The following PCDH7 variants were observed in gnomAD, a reference collection of about 807,000 sequenced individuals.
The protein encoded by PCDH7 is protocadherin-7.
In PCDH7, 17 loss-of-function variants were observed where a neutral mutation model predicts 58.9. The observed-to-expected ratio is 0.29, with a 90% CI of 0.20 to 0.43. The LOEUF is 0.43. Among genes scored for constraint, PCDH7 ranks in the 20% least tolerant of loss-of-function variants. PCDH7 has a pLI of 1.00. For synonymous variants in PCDH7, 664 were observed against 616.4 expected, an observed-to-expected ratio of 1.08 and a Z score of -1.14; for missense variants, 1,274 against 1,441.0, an observed-to-expected ratio of 0.88 and a Z score of 1.88.
At chr4:31,105,006 A>C (rs1253164770) in intron 3 of PCDH7, among the ~76,000 whole-genome samples, 1 of 152,236 alleles carries the variant, frequency 6.6e-6, no homozygotes, top group Non-Finnish European at 1.5e-5. Flanking sequence ...GATATTTCAA[A>C]GACTTCATTT....
At chr4:31,094,850 G>T (rs544461401) in intron 3 of PCDH7, among the ~76,000 whole-genome samples, 115 of 150,578 alleles carry the variant, frequency 7.6e-4, no homozygotes, top group African/African-American at 2.7e-3. Flanking sequence ...CCAACAACAT[G>T]ATGCCTTAGG....
At chr4:30,951,865 G>T (rs1483306332) in intron 3 of PCDH7, among the ~76,000 whole-genome samples, 2 of 152,102 alleles carry the variant, frequency 1.3e-5, no homozygotes, top group Non-Finnish European at 2.9e-5. Context: ...TCTCGTTCAT[G>T]CTCACCTCTT....
chr4:30,725,079 T>G, intron 1 of PCDH7: 2 of 1,001,766 alleles, frequency 2.0e-6, no homozygotes, highest in Non-Finnish European at 2.4e-6. Flanking sequence ...ATTTTACAGA[T>G]AAATAGATGC....
At chr4:30,936,670 A>G (rs964900969) in intron 2 of PCDH7, among the ~76,000 whole-genome samples, 5 of 151,854 alleles carry the variant, frequency 3.3e-5, no homozygotes, top group African/African-American at 1.2e-4. Flanking sequence ...TATTTATGTT[A>G]TCATCAAGAA....
chr4:31,014,913 A>C (rs903513866), intron 3 of PCDH7, among the ~76,000 whole-genome samples: 1 of 152,114 alleles, frequency 6.6e-6, no homozygotes, highest in African/African-American at 2.4e-5. Flanking sequence ...TTTGTTTCTT[A>C]TATGTGTCTC....
intron 2 of PCDH7, among the ~76,000 whole-genome samples, chr4:30,936,544 CTCA>C (rs1378015316): frequency 6.6e-6 from 1 of 152,000 alleles, no homozygotes; most frequent in East Asian, 1.9e-4. Flanking sequence ...CTTTTATTGT[CTCA>C]TTGTTTAAGG....
chr4:30,905,344 A>T (rs1397903710), intron 1 of PCDH7, among the ~76,000 whole-genome samples: 1 of 152,048 alleles, frequency 6.6e-6, no homozygotes, highest in Non-Finnish European at 1.5e-5. Context: ...GTAATTTACC[A>T]TGTAGGTTTA....
At chr4:31,056,857 G>A (rs531837075) in intron 3 of PCDH7, among the ~76,000 whole-genome samples, 457 of 152,282 alleles carry the variant, frequency 3.0e-3, no homozygotes, top group Non-Finnish European at 5.3e-3. Context: ...TGGGATTACA[G>A]GCATGAGCCA....
At position 30,722,258 on chromosome 4, in the gene PCDH7, G is replaced by T; in HGVS notation, c.836G>T (p.Arg279Leu). 2 of 1,596,768 alleles carry T rather than the reference G, an allele frequency of 1.3e-6. No homozygotes were observed. The highest frequency in any genetic ancestry group is 1.7e-6 in the Non-Finnish European group (2 of 1,172,846). The stretch of plus-strand genomic sequence containing the variant: ...CGCGACTCCTACGAGCTGACCCTGC[G>T]AGTGCGCGACGGCGGCGACCCGCCT... The change falls in exon 1 of 2, where the codon CGA becomes CTA. Residue 279 changes from arginine (R) to leucine (L), a missense_variant. Around this residue, in one of 3 missense-constraint regions of PCDH7, gnomAD observed 331 missense variants for 303.2 expected, o/e 1.09. Transcript: ENST00000361762. This position sits in a 1 kb window ranked among gnomAD's most constrained non-coding sequence, Gnocchi z 7.6.
chr4:30,818,518 C>G (rs1007717513), intron 1 of PCDH7, among the ~76,000 whole-genome samples: 1 of 152,054 alleles, frequency 6.6e-6, no homozygotes, highest in African/African-American at 2.4e-5. Flanking sequence ...GCAGCTTTCC[C>G]CTTGAAGAGA....
chr4:30,992,829 T>C (rs1222075099), intron 3 of PCDH7, among the ~76,000 whole-genome samples: 1 of 143,976 alleles, frequency 6.9e-6, no homozygotes, highest in African/African-American at 2.6e-5. Context: ...GACGGAGTCT[T>C]GCTCTGTCGC....
chr4:31,116,715 T>G (rs1273423214), intron 3 of PCDH7, among the ~76,000 whole-genome samples: 1 of 152,206 alleles, frequency 6.6e-6, no homozygotes, highest in Non-Finnish European at 1.5e-5. Context: ...AACTGTAAAA[T>G]ATACAAACCA....
At chr4:30,885,775 T>TCC (rs1737647017) in intron 1 of PCDH7, among the ~76,000 whole-genome samples, 1 of 152,002 alleles carries the variant, frequency 6.6e-6, no homozygotes, top group African/African-American at 2.4e-5. Flanking sequence ...AAAACAGAGA[T>TCC]ATAGATCAAT....
chr4:31,008,077 G>A (rs761394959), intron 3 of PCDH7, among the ~76,000 whole-genome samples: 8 of 152,012 alleles, frequency 5.3e-5, no homozygotes, highest in Non-Finnish European at 1.0e-4. Flanking sequence ...ATTACTTCTG[G>A]GAGATGGCAG....
intron 3 of PCDH7, among the ~76,000 whole-genome samples, chr4:31,098,828 C>T (rs1459615652): frequency 6.6e-6 from 1 of 152,254 alleles, no homozygotes; most frequent in South Asian, 2.1e-4. Flanking sequence ...AAACAGAAAT[C>T]TGTTGTCTGG....
intron 1 of PCDH7, among the ~76,000 whole-genome samples, chr4:30,896,889 C>CTTTTGTTTTTTTTTTTTT (rs1739469341): frequency 3.7e-5 from 1 of 27,338 alleles, no homozygotes. Flanking sequence ...TAGTTCTTTG[C>CTTTTGTTTTTTTTTTTTT]TTTTTTTTTT....
intron 1 of PCDH7, among the ~76,000 whole-genome samples, chr4:30,840,860 G>A (rs1019574011): frequency 2.0e-5 from 3 of 150,944 alleles, no homozygotes; most frequent in Non-Finnish European, 2.9e-5. Flanking sequence ...GTAAAAGGAC[G>A]TACAGTTGCT....
chr4:30,927,853 T>TTA (rs1553915299), intron 2 of PCDH7, among the ~76,000 whole-genome samples: 1 of 151,586 alleles, frequency 6.6e-6, no homozygotes, highest in African/African-American at 2.4e-5. Context: ...GAATGATCAA[T>TTA]AAAAAAAACC....
At chr4:31,129,914 C>A (rs998950327) in intron 3 of PCDH7, among the ~76,000 whole-genome samples, 1 of 146,392 alleles carries the variant, frequency 6.8e-6, no homozygotes, top group Admixed American at 6.8e-5. Flanking sequence ...AGTCACGAGC[C>A]ACCATAACAG....
Sources: allele counts gnomAD v4.1 joint callset (sites outside exome capture counted in the v4.1 genomes callset), GRCh38; gene constraint gnomAD v4.1.1; regional missense constraint gnomAD v4.1.1; non-coding constraint Gnocchi (gnomAD v3.1); transcripts MANE v1.5; gene names NCBI Gene and HGNC (gene_info 2026-07-23, HGNC 2026-07-21).